Variants in SLC12A7 observed in about 807,000 individuals in gnomAD.
The protein encoded by SLC12A7 is solute carrier family 12 member 7.
In SLC12A7, 100 loss-of-function variants were observed where a neutral mutation model predicts 120.6. That is an observed-to-expected ratio of 0.83 (90% CI 0.71 to 0.98). The LOEUF is 0.98. Among genes scored for constraint, SLC12A7 ranks in the 50% least tolerant of loss-of-function variants. SLC12A7 has a pLI of 0.00. For synonymous variants in SLC12A7, 760 were observed against 678.0 expected, an observed-to-expected ratio of 1.12 and a Z score of -1.88; for missense variants, 1,373 against 1,548.1, an observed-to-expected ratio of 0.89 and a Z score of 1.90.
In SLC12A7 at chr5:1,080,825, G is replaced by C. The variant is rs370585439; in HGVS notation, c.1297+752C>G. ...TAGGTGTCTCCTAACAGCCTGCCAGGTGTTCCCAGCAACCCTACAACAGCT... is the reference window on the plus strand; with the variant it reads ...TAGGTGTCTCCTAACAGCCTGCCAGCTGTTCCCAGCAACCCTACAACAGCT... On this transcript the variant is annotated intron_variant, in intron 9 of 23. Transcript: ENST00000264930. Among the ~76,000 whole-genome samples the C allele has an allele frequency of 2.6e-4, 39 of 152,342 alleles. 1 individual carries two copies. The East Asian group carries it at 5.6e-3, about 22-fold the overall frequency.
chr5:1,093,876 C>T (rs77903050), intron 2 of SLC12A7, among the ~76,000 whole-genome samples: 4,593 of 152,240 alleles, frequency 0.03, 130 homozygotes, highest in East Asian at 0.1. Flanking sequence ...GCAGGGACCC[C>T]AGGGTGTCCA....
intron 3 of SLC12A7, among the ~76,000 whole-genome samples, chr5:1,092,762 A>G (rs1025100027): frequency 6.6e-6 from 1 of 152,004 alleles, no homozygotes; most frequent in African/African-American, 2.4e-5. Context: ...ATTCTAGAGC[A>G]ACACAGACAT....
intron 11 of SLC12A7, 197 bp downstream of exon 11, chr5:1,078,504 A>G: frequency 1.6e-6 from 1 of 630,592 alleles, no homozygotes; most frequent in Non-Finnish European, 2.9e-6. Context: ...TTGGCTCTGA[A>G]CGGTTCCCCA....
chr5:1,065,215 C>T (rs975714007), intron 18 of SLC12A7, 68 bp downstream of exon 18: 59 of 1,161,612 alleles, frequency 5.1e-5, no homozygotes, highest in Admixed American at 9.4e-5. Flanking sequence ...CAGGGGACAG[C>T]GAGGGGACAC....
the SLC12A7 span, among the ~76,000 whole-genome samples, chr5:1,126,753 G>A: frequency 5.9e-5 from 9 of 152,166 alleles, no homozygotes; most frequent in East Asian, 1.9e-4. Context: ...GTTTTCTGTC[G>A]AACTAAATTA....
Position 1,088,995 on chromosome 5 carries a change from ATGGCCACG to A in SLC12A7, c.468_475del (p.Ala158LeufsTer193). On this transcript the variant is annotated frameshift_variant, in exon 4 of 24. Transcript: ENST00000264930. LOFTEE classifies it high-confidence loss of function. ...GGGGAGACTCACACATGTGCAGCACATGGCCACGATGAGGAAGGACTCCAGGACACCAG... is the reference window on the plus strand; with the variant it reads ...GGGGAGACTCACACATGTGCAGCACAATGAGGAAGGACTCCAGGACACCAG... 1 of 1,612,862 alleles carries A rather than the reference ATGGCCACG, an allele frequency of 6.2e-7. No homozygotes were observed. Among genetic ancestry groups the A allele is most frequent in the Non-Finnish European group, 8.5e-7 (1 of 1,179,932 alleles).
At chr5:1,107,080 G>A (rs1742583308) in intron 1 of SLC12A7, among the ~76,000 whole-genome samples, 1 of 152,222 alleles carries the variant, frequency 6.6e-6, no homozygotes, top group African/African-American at 2.4e-5. Context: ...TAACACACGG[G>A]TTCAGTGAAC....
chr5:1,083,805 T>C lies in SLC12A7; in HGVS notation c.1069A>G (p.Ile357Val). ...TGGATTTCGGTGACGTTGTTCTGGA[T>C]GAAGTACTCGTCACAGGCGGCGCTG... Reference protein sequence around the residue: ...QPSAACDEYFIQNNVTEIQGI... With the variant: ...QPSAACDEYFVQNNVTEIQGI... The change falls in exon 8 of 24, where the codon ATC becomes GTC. Residue 357 changes from isoleucine (I) to valine (V), a missense_variant. Ile to Val is a conservative substitution (Grantham distance 29). Coordinates refer to ENST00000264930, the MANE Select transcript of SLC12A7 (RefSeq NM_006598.3). The C allele has an allele frequency of 6.2e-7, 1 of 1,612,274 alleles. No homozygotes were observed. Among genetic ancestry groups the C allele is most frequent in the East Asian group, 2.2e-5 (1 of 44,862 alleles).
At chr5:1,151,847 C>T in the SLC12A7 span, among the ~76,000 whole-genome samples, 7 of 152,294 alleles carry the variant, frequency 4.6e-5, no homozygotes, top group East Asian at 5.8e-4. The surrounding 1 kb of genome is among the most constrained non-coding windows in gnomAD (Gnocchi z 6.2). Context: ...TGGGAACCTA[C>T]CTTTCCTCAT....
the SLC12A7 span, among the ~76,000 whole-genome samples, chr5:1,124,993 T>C: frequency 6.6e-6 from 1 of 151,882 alleles, no homozygotes; most frequent in African/African-American, 2.4e-5. Flanking sequence ...CCATAACTGG[T>C]AAAACAAATC....
chr5:1,053,140 C>T (rs1342241303), intron 23 of SLC12A7, among the ~76,000 whole-genome samples: 1 of 152,210 alleles, frequency 6.6e-6, no homozygotes. Flanking sequence ...CCCTCCCTCC[C>T]CCACACCAAT....
the SLC12A7 span, among the ~76,000 whole-genome samples, chr5:1,154,018 C>T: frequency 1.3e-5 from 2 of 152,112 alleles, no homozygotes. Context: ...GCAGGTGTCT[C>T]GTCCATCTCA....
upstream of SLC12A7, among the ~76,000 whole-genome samples, chr5:1,112,870 G>GCCC (rs1743147489): frequency 1.5e-5 from 1 of 67,646 alleles, no homozygotes; most frequent in Admixed American, 1.2e-4. Context: ...AGTAGAGGGA[G>GCCC]TCCCCCCCCC....
chr5:1,056,445 G>A (rs559103928), intron 22 of SLC12A7: 107 of 247,356 alleles, frequency 4.3e-4, no homozygotes, highest in African/African-American at 2.1e-3. Context: ...CTGGCTGTAC[G>A]CGGACGCACA....
In SLC12A7 at chr5:1,112,030, C is replaced by T. The variant is rs540879002; in HGVS notation, c.-39G>A. 37 of 1,228,870 alleles carry T rather than the reference C, an allele frequency of 3.0e-5. No homozygotes were observed. Among genetic ancestry groups the T allele is most frequent in the Non-Finnish European group, 3.6e-5 (35 of 983,846 alleles). The allele number at this position is 1,228,870 out of a possible 1,614,324, so 76.1% of individuals were successfully genotyped here. ...CGACAGTCCCCGTCCCGGCCCGGCC[C>T]GCGCTGCGCCGCTCCCGCCGACGCC... On this transcript the variant is annotated 5_prime_UTR_variant, in exon 1 of 24. Coordinates refer to ENST00000264930, the MANE Select transcript of SLC12A7 (RefSeq NM_006598.3).
At chr5:1,068,267 T>A (rs1158008158) in intron 17 of SLC12A7, among the ~76,000 whole-genome samples, 1 of 152,048 alleles carries the variant, frequency 6.6e-6, no homozygotes, top group Non-Finnish European at 1.5e-5. Flanking sequence ...AAACCCCGTC[T>A]CTACTAAAAA....
intron 23 of SLC12A7, 81 bp downstream of exon 23, chr5:1,053,268 A>G (rs1261768503): frequency 7.3e-6 from 11 of 1,514,392 alleles, no homozygotes; most frequent in Non-Finnish European, 6.2e-6. Flanking sequence ...CCTCACTCCC[A>G]GCACCCACAA....
At chr5:1,135,160 TTGCTCATC>T in the SLC12A7 span, among the ~76,000 whole-genome samples, 6 of 152,150 alleles carry the variant, frequency 3.9e-5, no homozygotes, top group Non-Finnish European at 7.4e-5. Flanking sequence ...GAGCCTCGGT[TTGCTCATC>T]TGTAAGATGG....
intron 17 of SLC12A7, 85 bp from the exon 18 acceptor site, chr5:1,065,563 G>A (rs539050032): frequency 2.7e-4 from 318 of 1,178,830 alleles, no homozygotes; most frequent in Non-Finnish European, 3.0e-4. Context: ...CAGGGCACCC[G>A]CACCACCTCC....
Sources: gnomAD v4.1 joint callset for allele counts (sites outside exome capture counted in the v4.1 genomes callset) on GRCh38, gnomAD v4.1.1 for gene constraint, Gnocchi (gnomAD v3.1) non-coding constraint, MANE v1.5 for transcripts, NCBI Gene and HGNC (gene_info 2026-07-23, HGNC 2026-07-21) for gene names.